Variants in PRKG1 observed in about 807,000 individuals in gnomAD.
The protein encoded by PRKG1 is cGMP-dependent protein kinase 1.
PRKG1 carries 35 observed loss-of-function variants against 88.1 expected under a neutral mutation model. The ratio of observed to expected loss-of-function variants is 0.40; its 90% CI spans 0.30 to 0.53. The LOEUF (loss-of-function observed/expected upper bound fraction) is 0.53, where lower values mean the gene tolerates loss of function less well. Ranked by LOEUF, PRKG1 falls within the 20% of genes least tolerant of loss-of-function variation. The probability of loss-of-function intolerance (pLI) is 0.59; values close to 1 mark genes in which losing one functional copy is unlikely to be tolerated. For missense variants in PRKG1, 540 were observed against 839.8 expected (o/e 0.64, Z 4.41); for synonymous variants, 303 against 292.5 (o/e 1.04, Z -0.37).
At chr10:51,233,955 T>G (rs1030190415) in intron 2 of PRKG1, among the ~76,000 whole-genome samples, 1 of 152,182 alleles carries the variant, frequency 6.6e-6, no homozygotes, top group Non-Finnish European at 1.5e-5. Flanking sequence ...AGATCTTATG[T>G]CATCCTGAAA....
chr10:51,947,894 C>T (rs931538525), intron 5 of PRKG1, among the ~76,000 whole-genome samples: 3 of 152,032 alleles, frequency 2.0e-5, no homozygotes, highest in Admixed American at 6.6e-5. Flanking sequence ...ACCAAAGAAA[C>T]GTGAAGGAAA....
chr10:51,943,203 C>G (rs1279492811), intron 5 of PRKG1, among the ~76,000 whole-genome samples: 1 of 151,896 alleles, frequency 6.6e-6, no homozygotes, highest in Non-Finnish European at 1.5e-5. Context: ...GTATTTTATT[C>G]TCTTTGAAGC....
chr10:51,946,250 A>G (rs1429266543), intron 5 of PRKG1, among the ~76,000 whole-genome samples: 4 of 152,106 alleles, frequency 2.6e-5, no homozygotes, highest in Non-Finnish European at 5.9e-5. Context: ...AGTTGATCGC[A>G]TCGGCTCCTG....
intron 5 of PRKG1, among the ~76,000 whole-genome samples, chr10:51,961,312 A>G (rs563509272): frequency 9.9e-5 from 15 of 152,254 alleles, no homozygotes; most frequent in African/African-American, 3.4e-4. Context: ...TTTGCATCCC[A>G]GGAATACTGT....
intron 7 of PRKG1, among the ~76,000 whole-genome samples, chr10:52,094,502 T>G (rs1316113728): frequency 1.3e-5 from 2 of 152,198 alleles, no homozygotes; most frequent in African/African-American, 4.8e-5. Context: ...TTCATATATT[T>G]AAACATTAAA....
At chr10:51,698,878 T>C (rs749394479) in intron 3 of PRKG1, 2 of 1,613,802 alleles carry the variant, frequency 1.2e-6, no homozygotes, top group South Asian at 1.1e-5. Flanking sequence ...GAACATTAGG[T>C]CCTGGGCAGA....
intron 7 of PRKG1, among the ~76,000 whole-genome samples, chr10:52,068,630 A>C (rs1846418960): frequency 6.6e-6 from 1 of 152,152 alleles, no homozygotes; most frequent in African/African-American, 2.4e-5. Context: ...TGCTTCCCTA[A>C]AGTGAGCTGT....
chr10:51,907,638 CTG>C, intron 5 of PRKG1, 68 bp downstream of exon 5: 1 of 1,367,680 alleles, frequency 7.3e-7, no homozygotes, highest in Non-Finnish European at 1.0e-6. Context: ...TCTTTCACAG[CTG>C]TGTGATGAGG....
chr10:52,288,859 C>A lies in PRKG1; in HGVS notation c.1832+11C>A. On this transcript the variant is annotated intron_variant, in intron 15 of 17. Transcript: ENST00000373980. ...TAAAAAACTATGCAGGTAAGTATTTCAACCACATTATTTTTGAAAACATCA... is the reference window on the plus strand; with the variant it reads ...TAAAAAACTATGCAGGTAAGTATTTAAACCACATTATTTTTGAAAACATCA... 3 of 1,596,486 alleles carry A rather than the reference C, an allele frequency of 1.9e-6. No homozygotes were observed. Among genetic ancestry groups the A allele is most frequent in the Non-Finnish European group, 2.6e-6 (3 of 1,173,704 alleles).
At chr10:52,167,614 A>C (rs1350563949) in intron 9 of PRKG1, among the ~76,000 whole-genome samples, 2 of 145,038 alleles carry the variant, frequency 1.4e-5, no homozygotes, top group Non-Finnish European at 3.1e-5. Context: ...GTGAGATCTC[A>C]ATTACCTTTT....
At chr10:51,685,419 A>G (rs921416888) in intron 3 of PRKG1, among the ~76,000 whole-genome samples, 4 of 152,132 alleles carry the variant, frequency 2.6e-5, no homozygotes, top group Non-Finnish European at 5.9e-5. Flanking sequence ...AGGACATAGA[A>G]CTCATAAGTG....
At chr10:52,033,273 AAAG>A (rs1414749585) in intron 5 of PRKG1, among the ~76,000 whole-genome samples, 1 of 152,196 alleles carries the variant, frequency 6.6e-6, no homozygotes, top group African/African-American at 2.4e-5. Flanking sequence ...GTTAAAGCCA[AAAG>A]AAGTGGCACA....
chr10:51,396,212 C>T (rs573141152), intron 2 of PRKG1, among the ~76,000 whole-genome samples: 8 of 151,626 alleles, frequency 5.3e-5, no homozygotes, highest in South Asian at 2.1e-4. Context: ...ATAGTGAGAC[C>T]GTATCTCTAT....
At chr10:51,658,934 C>T (rs2132326944) in intron 3 of PRKG1, among the ~76,000 whole-genome samples, 1 of 152,114 alleles carries the variant, frequency 6.6e-6, no homozygotes, top group South Asian at 2.1e-4. Flanking sequence ...TATTTTCCAT[C>T]TCTTCTACTC....
chr10:51,119,951 A>G (rs1703535873), intron 1 of PRKG1, among the ~76,000 whole-genome samples: 1 of 152,158 alleles, frequency 6.6e-6, no homozygotes, highest in African/African-American at 2.4e-5. Flanking sequence ...GAGCTTGGAC[A>G]TGAAAGTTTA....
intron 3 of PRKG1, among the ~76,000 whole-genome samples, chr10:51,604,089 C>CT (rs11290534): frequency 6.4e-4 from 91 of 141,640 alleles, no homozygotes; most frequent in South Asian, 2.3e-3. Flanking sequence ...TGGTCCCTGC[C>CT]TTTTTTTTTT....
At chr10:51,557,790 A>G (rs1837351967) in intron 3 of PRKG1, among the ~76,000 whole-genome samples, 1 of 152,082 alleles carries the variant, frequency 6.6e-6, no homozygotes, top group Non-Finnish European at 1.5e-5. Flanking sequence ...ATCTAGCTAC[A>G]TCTGTGTCAA....
chr10:51,121,952 T>C (rs949751425), intron 1 of PRKG1, among the ~76,000 whole-genome samples: 1 of 152,216 alleles, frequency 6.6e-6, no homozygotes, highest in African/African-American at 2.4e-5. Flanking sequence ...TTGTGGTGAT[T>C]GTTGGCACTT....
intron 2 of PRKG1, among the ~76,000 whole-genome samples, chr10:51,212,973 C>A (rs1189289055): frequency 1.3e-5 from 2 of 151,998 alleles, no homozygotes; most frequent in Admixed American, 6.6e-5. Context: ...GGGTATATAC[C>A]CAAAGGATTA....
Sources: allele counts gnomAD v4.1 joint callset (sites outside exome capture counted in the v4.1 genomes callset), GRCh38; gene constraint gnomAD v4.1.1; transcripts MANE v1.5; gene names NCBI Gene and HGNC (gene_info 2026-07-23, HGNC 2026-07-21).